The following SLC25A29 variants were observed in gnomAD, a reference collection of about 807,000 sequenced individuals.
The protein encoded by SLC25A29 is solute carrier family 25 member 29, also known as mitochondrial basic amino acids transporter.
A neutral mutation model predicts 10.0 loss-of-function variants in SLC25A29; 13 were observed. That is an observed-to-expected ratio of 1.30 (90% CI 0.85 to 2.07). The LOEUF is 2.07. SLC25A29 is among the 30% of genes most tolerant of loss of function. The probability of loss-of-function intolerance (pLI) is 0.00; values close to 1 mark genes in which losing one functional copy is unlikely to be tolerated. For synonymous variants in SLC25A29, 244 were observed against 221.1 expected (o/e 1.10, Z -0.92); for missense variants, 475 against 447.6 (o/e 1.06, Z -0.55).
At position 100,302,619 on chromosome 14, in the gene SLC25A29, T is replaced by C. The variant is rs189524826; in HGVS notation, c.34+3580A>G. On this transcript the variant is annotated intron_variant, in intron 1 of 3. Coordinates refer to ENST00000359232, the MANE Select transcript of SLC25A29 (RefSeq NM_001039355.3). ...ATCCACCCATCTCAGCCTCCCGAAG[T>C]GCTGGGATTACAGGTGTAAGCCACT... 7.5e-3 allele frequency among the ~76,000 whole-genome samples: 1,139 copies of C among 152,292 alleles called. 18 individuals carry two copies. The highest frequency in any genetic ancestry group is 0.026 in the African/African-American group (1,089 of 41,546).
In SLC25A29 at chr14:100,291,726, C is replaced by G. The variant is rs1475455605; in HGVS notation, c.*557G>C. 1.2e-5 allele frequency: 2 copies of G among 162,808 alleles called. No individual in the cohort carries two copies. Among genetic ancestry groups the G allele is most frequent in the African/African-American group, 4.8e-5 (2 of 41,500 alleles). The allele number at this position is 162,808 out of a possible 1,614,324, so 10.1% of individuals were successfully genotyped here. A position where few individuals can be genotyped will look rare whatever the true frequency, so the allele number is the denominator to read the frequency against. ...AGGAGTGGCAGCAGCTGGGGTACCC[C>G]TAGCAGTGGCATGTGGAGAAGCTGG... is the stretch of plus-strand genomic sequence containing the variant. On this transcript the variant is annotated 3_prime_UTR_variant, in exon 4 of 4. Transcript: ENST00000359232.
chr14:100,306,142 C>A (rs1421395568), intron 1 of SLC25A29, 57 bp downstream of exon 1: 1 of 1,317,926 alleles, frequency 7.6e-7, no homozygotes, highest in South Asian at 1.5e-5. Context: ...TGCTGGTGGG[C>A]CGACCTCCCT....
chr14:100,278,997 G>A, the SLC25A29 span: 3 of 152,250 alleles, frequency 2.0e-5, no homozygotes, highest in Non-Finnish European at 4.4e-5. Flanking sequence ...TGCTAGCAAT[G>A]TGGCAATTGA....
At chr14:100,305,445 G>C (rs974820415) in intron 1 of SLC25A29, 1 of 150,438 alleles carries the variant, frequency 6.6e-6, no homozygotes, top group Non-Finnish European at 1.5e-5. Context: ...TAACCCTCAA[G>C]GTAAAAGCAG....
the SLC25A29 span, among the ~76,000 whole-genome samples, chr14:100,283,725 C>T: frequency 7.2e-5 from 11 of 152,182 alleles, no homozygotes; most frequent in South Asian, 4.1e-4. Context: ...TCACAATCCA[C>T]CCGCCTCGGC....
At chr14:100,298,732 G>A in intron 2 of SLC25A29, 110 bp downstream of exon 2, 2 of 1,387,930 alleles carry the variant, frequency 1.4e-6, no homozygotes, top group Non-Finnish European at 2.1e-6. Context: ...TGGTGTAAAA[G>A]CAGCTGCCCA....
At chr14:100,281,832 C>G in the SLC25A29 span, 3,120 of 152,282 alleles carry the variant, frequency 0.02, 105 homozygotes, top group African/African-American at 0.072. Context: ...CAAGTCACGT[C>G]AGGCAAGAGA....
downstream of SLC25A29, among the ~76,000 whole-genome samples, chr14:100,289,427 C>A (rs974595953): frequency 5.3e-5 from 8 of 152,184 alleles, no homozygotes; most frequent in Non-Finnish European, 1.5e-5. Context: ...AGACTGTCCT[C>A]GACTCAGGAG....
intron 2 of SLC25A29, among the ~76,000 whole-genome samples, chr14:100,296,926 A>G (rs1042090644): frequency 2.0e-5 from 3 of 152,000 alleles, no homozygotes; most frequent in African/African-American, 7.2e-5. Flanking sequence ...TATGTGCTGG[A>G]CCTCAACTAA....
At chr14:100,289,019 G>C (rs769626213), downstream of SLC25A29, among the ~76,000 whole-genome samples, 89 of 152,342 alleles carry the variant, frequency 5.8e-4, 1 homozygote, top group Middle Eastern at 3.4e-3. Flanking sequence ...TGGAGACACA[G>C]ACACACAGGA....
At chr14:100,289,882 T>C (rs1168375428), downstream of SLC25A29, among the ~76,000 whole-genome samples, 9 of 143,158 alleles carry the variant, frequency 6.3e-5, no homozygotes, top group Admixed American at 4.1e-4. Context: ...AAAGAAAATG[T>C]AAAATAAATT....
At chr14:100,281,365 C>T in the SLC25A29 span, 1 of 152,384 alleles carries the variant, frequency 6.6e-6, no homozygotes, top group South Asian at 2.1e-4. Context: ...ATGAGGCTTC[C>T]TCCCAGCTGC....
rs1373937019 is a variant in SLC25A29, at chr14:100,291,541, GGAA to G, written c.*739_*741del. 3.3e-5 allele frequency: 5 copies of G among 152,346 alleles called. No homozygotes were observed. Among genetic ancestry groups the G allele is most frequent in the African/African-American group, 1.2e-4 (5 of 41,444 alleles). 9.4% of individuals were successfully genotyped at this position (152,346 alleles called of 1,614,324 possible). A position where few individuals can be genotyped will look rare whatever the true frequency, so the allele number is the denominator to read the frequency against. ...GACAGGCAGCCTGAGGCCCAGAGGC[GGAA>G]GGATTTCTCCTTGCCACAGCTGCAT... On this transcript the variant is annotated 3_prime_UTR_variant, in exon 4 of 4. Transcript: ENST00000359232.
chr14:100,292,825 C>A lies in SLC25A29; in HGVS notation c.370G>T (p.Asp124Tyr), dbSNP rs1489286573. The A allele has an allele frequency of 1.3e-6, 2 of 1,591,774 alleles. No homozygotes were observed. The highest frequency in any genetic ancestry group is 1.7e-6 in the Non-Finnish European group (2 of 1,171,246). The change falls in exon 4 of 4, where the codon GAC becomes TAC. Residue 124 changes from aspartate to tyrosine, a missense_variant. Transcript: ENST00000359232. ...ELAKTRLQLQDAGPARTYKGS... is the reference protein window; with the variant it reads ...ELAKTRLQLQYAGPARTYKGS... ...TTGTAGGTGCGCGCTGGGCCCGCGT[C>A]CTGCAGCTGCAGCCGCGTCTTGGCC... is the stretch of plus-strand genomic sequence containing the variant.
intron 1 of SLC25A29, among the ~76,000 whole-genome samples, chr14:100,301,397 C>T (rs1354066427): frequency 6.6e-6 from 1 of 152,070 alleles, no homozygotes; most frequent in Non-Finnish European, 1.5e-5. Context: ...AACTCATGAC[C>T]TCATTGATCC....
rs1448633005 is a variant in SLC25A29 at position 100,292,747 on chromosome 14, C to T, written c.448G>A (p.Val150Ile). Residue 150 changes from valine (V) to isoleucine (I), a missense_variant, in exon 4 of 4, where the codon GTC becomes ATC. Physicochemically the swap from Val to Ile is conservative, Grantham distance 29. Transcript: ENST00000359232. ...QIYGHEGLRGVNRGMVSTLLR... is the reference protein window; with the variant it reads ...QIYGHEGLRGINRGMVSTLLR... ...AACGTGGACACCATGCCCCGGTTGA[C>T]GCCACGCAGACCCTCGTGCCCGTAG... 10 of 1,601,980 alleles carry T rather than the reference C, an allele frequency of 6.2e-6. No individual in the cohort carries two copies. The highest frequency in any genetic ancestry group is 4.5e-5 in the South Asian group (4 of 89,550).
In SLC25A29 at chr14:100,292,290, C is replaced by A; in HGVS notation, c.905G>T (p.Ser302Ile). The A allele has an allele frequency of 6.5e-7, 1 of 1,531,752 alleles. No homozygotes were observed. Among genetic ancestry groups the A allele is most frequent in the Non-Finnish European group, 8.8e-7 (1 of 1,140,632 alleles). The allele number at this position is 1,531,752 out of a possible 1,614,324, so 94.9% of individuals were successfully genotyped here. A position where few individuals can be genotyped will look rare whatever the true frequency, so the allele number is the denominator to read the frequency against. Residue 302 changes from serine to isoleucine, a missense_variant, in exon 4 of 4, where the codon AGC becomes ATC. Coordinates refer to ENST00000359232, the MANE Select transcript of SLC25A29 (RefSeq NM_001039355.3). The part of the protein sequence containing the change: ...PAGPALAQPS[S>I]L ...AGGAGGGCGGGGTGAGCGTCACAGG[C>A]TGGAGGGCTGCGCCAGGGCAGGCCC...
downstream of SLC25A29, among the ~76,000 whole-genome samples, chr14:100,290,883 A>G (rs573051759): frequency 7.9e-5 from 12 of 152,340 alleles, no homozygotes; most frequent in African/African-American, 2.9e-4. Flanking sequence ...ATGATAGCAG[A>G]GGGGCATCTG....
In SLC25A29 at chr14:100,306,346, C is replaced by T; in HGVS notation, c.-114G>A. On this transcript the variant is annotated 5_prime_UTR_variant, in exon 1 of 4. Coordinates refer to ENST00000359232, the MANE Select transcript of SLC25A29 (RefSeq NM_001039355.3). ...GCGGTGCCGGGGCTGGGCCTGGCCG[C>T]TCCTCCTGGCGCGGAGCCCGGGCAG... The T allele has an allele frequency of 9.3e-7, 1 of 1,079,002 alleles. No homozygotes were observed. Among genetic ancestry groups the T allele is most frequent in the Non-Finnish European group, 1.2e-6 (1 of 847,980 alleles). The allele number at this position is 1,079,002 out of a possible 1,614,324, so 66.8% of individuals were successfully genotyped here.
Sources: allele counts gnomAD v4.1 joint callset (sites outside exome capture counted in the v4.1 genomes callset), GRCh38; gene constraint gnomAD v4.1.1; transcripts MANE v1.5; gene names NCBI Gene and HGNC (gene_info 2026-07-23, HGNC 2026-07-21).